Variants in STXBP4 observed in about 807,000 individuals in gnomAD.
The protein encoded by STXBP4 is syntaxin binding protein 4.
Under a neutral mutation model 76.1 loss-of-function variants are expected in STXBP4, and 55 were observed. The ratio of observed to expected loss-of-function variants is 0.72; its 90% CI spans 0.58 to 0.91. The LOEUF (loss-of-function observed/expected upper bound fraction) is 0.91, where lower values mean the gene tolerates loss of function less well. STXBP4 is among the 40% of genes least tolerant of loss of function. STXBP4 has a pLI of 0.00. For missense variants in STXBP4, 618 were observed against 636.9 expected, an observed-to-expected ratio of 0.97 and a Z score of 0.32; for synonymous variants, 201 against 220.2, an observed-to-expected ratio of 0.91 and a Z score of 0.77.
intron 12 of STXBP4, among the ~76,000 whole-genome samples, chr17:55,063,502 G>A (rs1484143967): frequency 6.6e-6 from 1 of 152,098 alleles, no homozygotes; most frequent in African/African-American, 2.4e-5. Context: ...GCTATTTAGG[G>A]ACCACATGTC....
At chr17:55,097,662 CAA>C (rs200058182) in intron 16 of STXBP4, among the ~76,000 whole-genome samples, 2 of 135,230 alleles carry the variant, frequency 1.5e-5, no homozygotes, top group Non-Finnish European at 3.2e-5. Context: ...GACTCCATCT[CAA>C]AAAAAAAAAA....
rs887409546 is a variant in STXBP4, at chr17:55,164,381, C to T, written c.*4470C>T. ...GGCGATCAGATCAATAGTTCTGTCC[C>T]CCATTCCATTCCCCCATCACCCAAT... is the stretch of plus-strand genomic sequence containing the variant. On this transcript the variant is annotated 3_prime_UTR_variant, in exon 18 of 18. Coordinates refer to ENST00000376352, the MANE Select transcript of STXBP4 (RefSeq NM_178509.6). The T allele has an allele frequency of 1.3e-5, 2 of 151,190 alleles. No individual in the cohort carries two copies. Among genetic ancestry groups the T allele is most frequent in the African/African-American group, 4.9e-5 (2 of 41,130 alleles). 9.4% of individuals were successfully genotyped at this position (151,190 alleles called of 1,614,324 possible).
intron 1 of STXBP4, among the ~76,000 whole-genome samples, chr17:54,971,081 C>G (rs9895808): frequency 0.28 from 42,690 of 152,038 alleles, 6,251 homozygotes; most frequent in African/African-American, 0.35. Flanking sequence ...TAAAATATTT[C>G]TGCAACATAA....
the STXBP4 span, among the ~76,000 whole-genome samples, chr17:55,199,274 A>G: frequency 1.3e-5 from 2 of 152,240 alleles, no homozygotes; most frequent in East Asian, 3.8e-4. Context: ...AAAGCACAAC[A>G]GAACAGAGTT....
intron 12 of STXBP4, among the ~76,000 whole-genome samples, chr17:55,062,017 T>C (rs2079000080): frequency 6.6e-6 from 1 of 152,050 alleles, no homozygotes; most frequent in Admixed American, 6.6e-5. Flanking sequence ...GGAGGATTGC[T>C]TCAGACCAAG....
At chr17:55,099,259 G>A (rs199889804) in intron 16 of STXBP4, among the ~76,000 whole-genome samples, 6 of 152,098 alleles carry the variant, frequency 3.9e-5, no homozygotes, top group African/African-American at 9.7e-5. Context: ...TTTCACTTCC[G>A]AAGTCTATAC....
intron 17 of STXBP4, among the ~76,000 whole-genome samples, chr17:55,144,907 A>G (rs1410375190): frequency 6.6e-6 from 1 of 152,220 alleles, no homozygotes; most frequent in Non-Finnish European, 1.5e-5. Context: ...TCCATTTATA[A>G]AAAGGAAAGT....
At chr17:55,091,419 C>T (rs1308006135) in intron 16 of STXBP4, among the ~76,000 whole-genome samples, 1 of 151,988 alleles carries the variant, frequency 6.6e-6, no homozygotes, top group Admixed American at 6.6e-5. Flanking sequence ...ATTTCTTATA[C>T]AGATTGAACA....
intron 16 of STXBP4, among the ~76,000 whole-genome samples, chr17:55,085,831 A>C (rs1161704099): frequency 6.6e-6 from 1 of 152,136 alleles, no homozygotes; most frequent in Non-Finnish European, 1.5e-5. Flanking sequence ...TATACTTAAA[A>C]ATTTGTATAA....
At chr17:54,972,476 A>G (rs1242088688) in intron 1 of STXBP4, among the ~76,000 whole-genome samples, 1 of 152,220 alleles carries the variant, frequency 6.6e-6, no homozygotes, top group East Asian at 1.9e-4. Context: ...ATATAGACTC[A>G]TGACTTCAAA....
intron 4 of STXBP4, among the ~76,000 whole-genome samples, chr17:54,995,907 T>C (rs1175166889): frequency 6.6e-6 from 1 of 152,164 alleles, no homozygotes; most frequent in Non-Finnish European, 1.5e-5. Context: ...TACCTAGCAC[T>C]GTACCAGGGA....
At chr17:55,126,092 G>T (rs1458567654) in intron 16 of STXBP4, among the ~76,000 whole-genome samples, 1 of 152,078 alleles carries the variant, frequency 6.6e-6, no homozygotes. Flanking sequence ...CCAACTAAAT[G>T]ACCTGCCAAA....
chr17:55,048,791 A>G (rs2078823353), intron 12 of STXBP4, among the ~76,000 whole-genome samples: 1 of 151,892 alleles, frequency 6.6e-6, no homozygotes, highest in Non-Finnish European at 1.5e-5. Flanking sequence ...AAGTGAAAAT[A>G]TAATCAAGAA....
the STXBP4 span, among the ~76,000 whole-genome samples, chr17:55,179,753 C>T: frequency 6.6e-6 from 1 of 151,980 alleles, no homozygotes; most frequent in Non-Finnish European, 1.5e-5. Context: ...GTTTTCTTTT[C>T]TCTAGCTTAT....
chr17:54,996,741 G>A (rs1399584308), intron 4 of STXBP4, among the ~76,000 whole-genome samples: 1 of 152,146 alleles, frequency 6.6e-6, no homozygotes, highest in African/African-American at 2.4e-5. Context: ...AAAAGTACAG[G>A]AAAGGAATCT....
intron 17 of STXBP4, among the ~76,000 whole-genome samples, chr17:55,147,242 G>C (rs28451389): frequency 0.049 from 7,387 of 152,218 alleles, 541 homozygotes; most frequent in African/African-American, 0.16. Context: ...GTAGGGGGAC[G>C]GTTTCAGGAT....
chr17:55,016,089 C>T (rs539747998), intron 8 of STXBP4, among the ~76,000 whole-genome samples: 3 of 152,094 alleles, frequency 2.0e-5, no homozygotes, highest in Non-Finnish European at 4.4e-5. Context: ...GAACATTTCT[C>T]TTCTGGAAAA....
intron 3 of STXBP4, among the ~76,000 whole-genome samples, chr17:54,988,249 A>C (rs371996982): frequency 6.6e-6 from 1 of 152,226 alleles, no homozygotes; most frequent in African/African-American, 2.4e-5. Flanking sequence ...TATTAGCAGC[A>C]ATAAACTGCT....
At chr17:55,049,670 T>C (rs945045868) in intron 12 of STXBP4, among the ~76,000 whole-genome samples, 2 of 151,802 alleles carry the variant, frequency 1.3e-5, no homozygotes, top group African/African-American at 4.8e-5. Context: ...TGAGTAAATA[T>C]ACACAATAAT....
Sources: allele counts gnomAD v4.1 joint callset (sites outside exome capture counted in the v4.1 genomes callset), GRCh38; gene constraint gnomAD v4.1.1; transcripts MANE v1.5; gene names NCBI Gene and HGNC (gene_info 2026-07-23, HGNC 2026-07-21).